Variants in RIC1 observed in about 807,000 individuals in gnomAD.
RIC1 encodes the protein guanine nucleotide exchange factor subunit RIC1.
In RIC1, 88 loss-of-function variants were observed where a neutral mutation model predicts 169.0. That is an observed-to-expected ratio of 0.52 (90% CI 0.44 to 0.62). The LOEUF (loss-of-function observed/expected upper bound fraction) is 0.62. RIC1 is among the 20% of genes least tolerant of loss of function. The probability of loss-of-function intolerance (pLI) is 0.00; values close to 1 mark genes in which losing one functional copy is unlikely to be tolerated. For synonymous variants in RIC1, 790 were observed against 601.5 expected, an observed-to-expected ratio of 1.31 and a Z score of -4.59; for missense variants, 1,877 against 1,725.5, an observed-to-expected ratio of 1.09 and a Z score of -1.56.
chr9:5,760,328 T>G (rs1563713247), intron 17 of RIC1, among the ~76,000 whole-genome samples: 1 of 152,206 alleles, frequency 6.6e-6, no homozygotes, highest in Non-Finnish European at 1.5e-5. Context: ...TTGAGAGTGC[T>G]GTTGCAGTCA....
At chr9:5,719,679 A>T (rs1301206495) in intron 4 of RIC1, among the ~76,000 whole-genome samples, 1 of 152,220 alleles carries the variant, frequency 6.6e-6, no homozygotes, top group Non-Finnish European at 1.5e-5. Flanking sequence ...ATTTTATTGC[A>T]CTAGCCATAT....
intron 2 of RIC1, among the ~76,000 whole-genome samples, chr9:5,664,619 C>G (rs1004630392): frequency 3.3e-5 from 5 of 152,088 alleles, no homozygotes; most frequent in African/African-American, 1.2e-4. Context: ...GAATATCTTA[C>G]TGAGGTTTTC....
At chr9:5,728,023 C>T (rs1400094003) in intron 6 of RIC1, among the ~76,000 whole-genome samples, 2 of 152,218 alleles carry the variant, frequency 1.3e-5, no homozygotes, top group Non-Finnish European at 2.9e-5. Flanking sequence ...TCTGTCTGTT[C>T]TCAGACCTCA....
At chr9:5,652,958 A>G (rs1451070017) in intron 1 of RIC1, among the ~76,000 whole-genome samples, 2 of 152,172 alleles carry the variant, frequency 1.3e-5, no homozygotes, top group African/African-American at 2.4e-5. Context: ...TCCTGAAATG[A>G]TCATGGGGTT....
Position 5,762,464 on chromosome 9 carries a change from C to T in RIC1, c.1993-77C>T, listed in dbSNP as rs146026545. The T allele has an allele frequency of 1.9e-6, 3 of 1,545,116 alleles. No homozygotes were observed. The African/African-American group carries it at 4.1e-5, about 21-fold the overall frequency. Reference sequence around the variant, plus strand: ...TAATGTAGATTGTTTGACCTATAAACCTTATGGATTGGGGGGAGATGCGGA... The same window carrying T: ...TAATGTAGATTGTTTGACCTATAAATCTTATGGATTGGGGGGAGATGCGGA... On this transcript the variant is annotated intron_variant, in intron 17 of 25. Coordinates refer to ENST00000414202, the MANE Select transcript of RIC1 (RefSeq NM_020829.4).
chr9:5,729,483 T>A (rs888444792), intron 6 of RIC1, among the ~76,000 whole-genome samples: 2 of 152,214 alleles, frequency 1.3e-5, no homozygotes, highest in African/African-American at 2.4e-5. Flanking sequence ...AGTTAAGGAT[T>A]CTACTCATTG....
rs1826470390 is a variant in RIC1 at position 5,763,442 on chromosome 9, C to G, written c.2415C>G (p.Asn805Lys). The G allele has an allele frequency of 6.2e-7, 1 of 1,614,178 alleles. No individual in the cohort carries two copies. ...TCTATGATTCTTTATATACTCGGAA[C>G]AATGCTAGAGAACAGCTGGAGGTGC... Reference protein sequence around the residue: ...TLLYDSLYTRNNAREQLEVLF... With the variant: ...TLLYDSLYTRKNAREQLEVLF... Residue 805 changes from asparagine to lysine, a missense_variant, in exon 19 of 26, where the codon AAC (asparagine) becomes AAG (lysine). Physicochemically the swap from Asn to Lys is moderately conservative, Grantham distance 94 (BLOSUM62 0). This residue lies in a region of RIC1 where 1,104 missense variants were observed against 992.0 expected (regional missense o/e 1.11). Coordinates refer to ENST00000414202, the MANE Select transcript of RIC1 (RefSeq NM_020829.4). This position sits in a 1 kb window ranked among gnomAD's most constrained non-coding sequence, Gnocchi z 5.2.
chr9:5,632,365 G>T (rs1057085128), intron 1 of RIC1, among the ~76,000 whole-genome samples: 2 of 152,016 alleles, frequency 1.3e-5, no homozygotes, highest in African/African-American at 4.8e-5. Flanking sequence ...ACATTATATG[G>T]GTCTTCTAAT....
intron 2 of RIC1, among the ~76,000 whole-genome samples, chr9:5,684,557 T>C (rs1294444428): frequency 6.6e-6 from 1 of 152,172 alleles, no homozygotes; most frequent in Non-Finnish European, 1.5e-5. Flanking sequence ...CTTATTAGTA[T>C]GTAAAAATGC....
At chr9:5,690,723 GA>G (rs982152650) in intron 3 of RIC1, among the ~76,000 whole-genome samples, 2 of 151,130 alleles carry the variant, frequency 1.3e-5, no homozygotes, top group Non-Finnish European at 1.5e-5. Context: ...AATATTAACA[GA>G]AAAAAAGAAA....
At chr9:5,720,477 G>C (rs1384275583) in intron 5 of RIC1, 137 bp from the exon 6 acceptor site, 1 of 1,143,586 alleles carries the variant, frequency 8.7e-7, no homozygotes, top group East Asian at 2.4e-5. Flanking sequence ...CATTTAATAG[G>C]AAAGGACAGT....
intron 2 of RIC1, among the ~76,000 whole-genome samples, chr9:5,684,045 C>G (rs545704832): frequency 2.0e-5 from 3 of 152,142 alleles, no homozygotes; most frequent in Non-Finnish European, 4.4e-5. Flanking sequence ...CCGTCTGTCA[C>G]CCCTTTCTTT....
Position 5,772,519 on chromosome 9 carries a change from T to G in RIC1, c.3617-45T>G, listed in dbSNP as rs372066029. 6 of 1,455,630 alleles carry G rather than the reference T, an allele frequency of 4.1e-6. No individual in the cohort carries two copies. The African/African-American group carries it at 4.2e-5, about 10-fold the overall frequency. 90.2% of individuals were successfully genotyped at this position (1,455,630 alleles called of 1,614,324 possible). A position where few individuals can be genotyped will look rare whatever the true frequency, so the allele number is the denominator to read the frequency against. ...ATATTTAAAATTAAAGGAAAATATA[T>G]TTTCTCCACGAAGTTGGTTGTAACT... On this transcript the variant is annotated intron_variant, in intron 23 of 25. Coordinates refer to ENST00000414202, the MANE Select transcript of RIC1 (RefSeq NM_020829.4).
rs565700469 is a variant in RIC1, at chr9:5,671,644, A to G, written c.252+14954A>G. Among the ~76,000 whole-genome samples the G allele has an allele frequency of 4.3e-4, 65 of 152,354 alleles. 1 individual carries two copies. Among genetic ancestry groups the G allele is most frequent in the African/African-American group, 1.4e-3 (60 of 41,588 alleles). On this transcript the variant is annotated intron_variant, in intron 2 of 25. Coordinates refer to ENST00000414202, the MANE Select transcript of RIC1 (RefSeq NM_020829.4). ...AACCTGTTTTGCAGGCAGAGGCTAC[A>G]AAAACTTTGAACAACTAGTAGAAAT... is the stretch of plus-strand genomic sequence containing the variant.
At chr9:5,641,390 C>T (rs1025847330) in intron 1 of RIC1, among the ~76,000 whole-genome samples, 5 of 152,056 alleles carry the variant, frequency 3.3e-5, no homozygotes, top group African/African-American at 7.2e-5. Flanking sequence ...CGCGCCCGGC[C>T]GCCATGAGGT....
intron 23 of RIC1, among the ~76,000 whole-genome samples, chr9:5,771,191 T>A (rs1827194584): frequency 1.3e-5 from 2 of 152,202 alleles, no homozygotes; most frequent in African/African-American, 4.8e-5. Context: ...GAAAACTCTG[T>A]ATATGTTACT....
intron 14 of RIC1, among the ~76,000 whole-genome samples, chr9:5,753,980 C>G (rs561546462): frequency 6.6e-6 from 1 of 152,110 alleles, no homozygotes; most frequent in African/African-American, 2.4e-5. Context: ...TGAGATCATT[C>G]CATGCCTATT....
chr9:5,678,960 G>A (rs562820932), intron 2 of RIC1, among the ~76,000 whole-genome samples: 8,772 of 151,952 alleles, frequency 0.058, 356 homozygotes, highest in African/African-American at 0.12. Context: ...TTTTCTTCTA[G>A]GGTTTTTATG....
At chr9:5,722,778 A>G (rs561556669) in intron 6 of RIC1, among the ~76,000 whole-genome samples, 44 of 152,194 alleles carry the variant, frequency 2.9e-4, no homozygotes, top group African/African-American at 8.4e-4. Flanking sequence ...TCATTGTTCA[A>G]TTCCCACCTA....
Sources: allele counts gnomAD v4.1 joint callset (sites outside exome capture counted in the v4.1 genomes callset), GRCh38; gene constraint gnomAD v4.1.1; regional missense constraint gnomAD v4.1.1; non-coding constraint Gnocchi (gnomAD v3.1); transcripts MANE v1.5; gene names NCBI Gene and HGNC (gene_info 2026-07-23, HGNC 2026-07-21).